Variants in ATP10D observed in about 807,000 individuals in gnomAD.
ATP10D encodes the protein phospholipid-transporting ATPase VD.
ATP10D carries 89 observed loss-of-function variants against 144.8 expected under a neutral mutation model. The ratio of observed to expected loss-of-function variants is 0.61; its 90% CI spans 0.52 to 0.73. The LOEUF (loss-of-function observed/expected upper bound fraction) is 0.73. ATP10D is among the 30% of genes least tolerant of loss of function. The pLI is 0.00. For missense variants in ATP10D, 1,603 were observed against 1,714.8 expected (o/e 0.93, Z 1.15); for synonymous variants, 571 against 615.1 (o/e 0.93, Z 1.06).
intron 21 of ATP10D, among the ~76,000 whole-genome samples, chr4:47,584,044 G>C (rs1370061451): frequency 6.6e-6 from 1 of 152,192 alleles, no homozygotes; most frequent in African/African-American, 2.4e-5. Flanking sequence ...TGCACACAAT[G>C]CTGGAGTGCA....
chr4:47,580,080 G>C (rs1439714577), intron 19 of ATP10D, among the ~76,000 whole-genome samples: 1 of 152,164 alleles, frequency 6.6e-6, no homozygotes, highest in Non-Finnish European at 1.5e-5. Context: ...TAGAGTTGGA[G>C]AAGTTTTGAA....
At chr4:47,520,644 C>T (rs537074438) in intron 3 of ATP10D, among the ~76,000 whole-genome samples, 235 of 152,256 alleles carry the variant, frequency 1.5e-3, no homozygotes, top group African/African-American at 5.5e-3. Flanking sequence ...CCTTGGCTCA[C>T]TGCAACCTCC....
At chr4:47,551,650 T>C (rs1473096321) in intron 10 of ATP10D, among the ~76,000 whole-genome samples, 2 of 152,222 alleles carry the variant, frequency 1.3e-5, no homozygotes, top group Admixed American at 6.5e-5. Context: ...GTCCTTACTT[T>C]AATGGGCCTT....
At chr4:47,517,919 T>C (rs1716769057) in intron 3 of ATP10D, among the ~76,000 whole-genome samples, 1 of 152,210 alleles carries the variant, frequency 6.6e-6, no homozygotes, top group Admixed American at 6.5e-5. Context: ...TGTTTCTTAA[T>C]AGGCTCAGGT....
intron 1 of ATP10D, among the ~76,000 whole-genome samples, chr4:47,507,331 T>C (rs1465840264): frequency 6.6e-6 from 1 of 152,160 alleles, no homozygotes; most frequent in Non-Finnish European, 1.5e-5. Flanking sequence ...AGCTGGCAAA[T>C]TGGGGTGCCA....
intron 1 of ATP10D, among the ~76,000 whole-genome samples, chr4:47,507,330 A>G (rs1041816443): frequency 1.3e-5 from 2 of 152,176 alleles, no homozygotes; most frequent in African/African-American, 4.8e-5. Flanking sequence ...AAGCTGGCAA[A>G]TTGGGGTGCC....
intron 10 of ATP10D, among the ~76,000 whole-genome samples, chr4:47,549,482 A>G (rs1369486765): frequency 6.6e-6 from 1 of 152,232 alleles, no homozygotes; most frequent in Admixed American, 6.5e-5. Context: ...TCTTACCTTC[A>G]GGGGTGCCTG....
intron 1 of ATP10D, among the ~76,000 whole-genome samples, chr4:47,502,211 G>A (rs1420153041): frequency 1.2e-4 from 18 of 152,242 alleles, no homozygotes; most frequent in South Asian, 2.1e-4. Flanking sequence ...GCGGTGGTTT[G>A]TGCCTGTAAT....
intron 22 of ATP10D, 135 bp downstream of exon 22, chr4:47,587,341 A>G: frequency 3.7e-6 from 3 of 804,674 alleles, no homozygotes; most frequent in Non-Finnish European, 5.8e-6. Context: ...TCCTAGTTAA[A>G]ATATTGGTTT....
At chr4:47,538,012 T>A (rs1666234696) in intron 9 of ATP10D, among the ~76,000 whole-genome samples, 1 of 152,184 alleles carries the variant, frequency 6.6e-6, no homozygotes, top group African/African-American at 2.4e-5. Flanking sequence ...AAGACACATT[T>A]TCCTCTAAAA....
chr4:47,580,025 T>C (rs1007056904), intron 19 of ATP10D, among the ~76,000 whole-genome samples: 5 of 152,152 alleles, frequency 3.3e-5, no homozygotes, highest in Non-Finnish European at 5.9e-5. Context: ...AGACAATTGA[T>C]GGTGAATTGG....
rs1490171560 is a variant in ATP10D, at chr4:47,563,683, A to G, written c.2771A>G (p.Gln924Arg). The change falls in exon 15 of 23, where the codon CAG (glutamine) becomes CGG (arginine). Residue 924 changes from glutamine (Q) to arginine (R), a missense_variant. Physicochemically the swap from Gln to Arg is conservative, Grantham distance 43. Coordinates refer to ENST00000273859, the MANE Select transcript of ATP10D (RefSeq NM_020453.4). ...ATCTGGATGCTGACAGGGGACAAGCAGGAGACAGCTGTCAACATAGCTTAT... is the reference window on the plus strand; with the variant it reads ...ATCTGGATGCTGACAGGGGACAAGCGGGAGACAGCTGTCAACATAGCTTAT... ...IKIWMLTGDK[Q>R]ETAVNIAYAC... 6.2e-7 allele frequency: 1 copy of G among 1,614,056 alleles called. No homozygotes were observed. Among genetic ancestry groups the G allele is most frequent in the Non-Finnish European group, 8.5e-7 (1 of 1,179,986 alleles).
At chr4:47,502,332 G>T (rs1459400216) in intron 1 of ATP10D, among the ~76,000 whole-genome samples, 1 of 152,018 alleles carries the variant, frequency 6.6e-6, no homozygotes, top group East Asian at 1.9e-4. Context: ...TTAGCTGGGC[G>T]TGGTGGCGGG....
At position 47,572,202 on chromosome 4, in the gene ATP10D, TA is replaced by T; in HGVS notation, c.3213del (p.Ile1071MetfsTer12). 3.1e-6 allele frequency: 5 copies of T among 1,614,098 alleles called. No individual in the cohort carries two copies. The highest frequency in any genetic ancestry group is 3.4e-6 in the Non-Finnish European group (4 of 1,180,004). On this transcript the variant is annotated frameshift_variant, in exon 17 of 23. Coordinates refer to ENST00000273859, the MANE Select transcript of ATP10D (RefSeq NM_020453.4). LOFTEE classifies it high-confidence loss of function. ...ATGATACAAGTGGCAGACATTGGGA[TA>T]GGGGTCTCAGGTCAAGAAGGCATGC... ...VSMIQVADIG[I>X]GVSGQEGMQA...
rs113460301 is a variant in ATP10D at position 47,545,143 on chromosome 4, T to C, written c.1397-1481T>C. Among the ~76,000 whole-genome samples, 4 of 152,322 alleles carry C rather than the reference T, an allele frequency of 2.6e-5. No individual in the cohort carries two copies. In the South Asian group the frequency reaches 6.2e-4, roughly 24 times the overall value. On this transcript the variant is annotated intron_variant, in intron 9 of 22. Coordinates refer to ENST00000273859, the MANE Select transcript of ATP10D (RefSeq NM_020453.4). ...AATCTTGAAATTCCGTAGGAAAGGC[T>C]TCCAGTCAGAAGGAACATCTAGTAA...
intron 5 of ATP10D, among the ~76,000 whole-genome samples, chr4:47,532,762 T>C (rs551428963): frequency 4.6e-5 from 7 of 152,338 alleles, no homozygotes; most frequent in Non-Finnish European, 1.0e-4. Flanking sequence ...CACTGTATGC[T>C]GAATATCAGA....
chr4:47,543,816 AG>A (rs1718279327), intron 9 of ATP10D, among the ~76,000 whole-genome samples: 1 of 145,140 alleles, frequency 6.9e-6, no homozygotes, highest in Admixed American at 7.3e-5. Context: ...AAAAGGAAAT[AG>A]GTATACATAT....
At position 47,591,507 on chromosome 4, in the gene ATP10D, G is replaced by A; in HGVS notation, c.*126G>A. The A allele has an allele frequency of 1.3e-6, 1 of 745,710 alleles. No homozygotes were observed. The highest frequency in any genetic ancestry group is 2.0e-5 in the South Asian group (1 of 51,224). The allele number at this position is 745,710 out of a possible 1,614,324, so 46.2% of individuals were successfully genotyped here. ...TGAGCATTTTACTAGGCTTGGAAGA[G>A]CTGACATGATGAGCATTATTGTATG... is the stretch of plus-strand genomic sequence containing the variant. On this transcript the variant is annotated 3_prime_UTR_variant, in exon 23 of 23. Coordinates refer to ENST00000273859, the MANE Select transcript of ATP10D (RefSeq NM_020453.4).
At position 47,587,090 on chromosome 4, in the gene ATP10D, C is replaced by G. The variant is rs762582099; in HGVS notation, c.3825C>G (p.Ala1275=). 2 of 1,614,040 alleles carry G rather than the reference C, an allele frequency of 1.2e-6. No individual in the cohort carries two copies. Among genetic ancestry groups the G allele is most frequent in the Non-Finnish European group, 1.7e-6 (2 of 1,179,946 alleles). Residue 1275 remains alanine, a synonymous_variant, in exon 22 of 23, where the codon GCC becomes GCG. Transcript: ENST00000273859. ...TTTTATTTGCCATAGTTTTTGGAGC[C>G]ATGTGTGTAACTTGCAACCCACCAT... is the stretch of plus-strand genomic sequence containing the variant. ...SYFLFAIVFG[A]MCVTCNPPSN... is the part of the protein sequence containing the mutation.
Sources: allele counts gnomAD v4.1 joint callset (sites outside exome capture counted in the v4.1 genomes callset), GRCh38; gene constraint gnomAD v4.1.1; transcripts MANE v1.5; gene names NCBI Gene and HGNC (gene_info 2026-07-23, HGNC 2026-07-21).